Variants in CCDC102B observed in about 807,000 individuals in gnomAD.
CCDC102B encodes the protein coiled-coil domain-containing protein 102B.
CCDC102B carries 75 observed loss-of-function variants against 57.4 expected under a neutral mutation model. That is an observed-to-expected ratio of 1.31 (90% CI 1.08 to 1.58). The LOEUF is 1.58. CCDC102B is among the 40% of genes most tolerant of loss of function. The pLI is 0.00. For missense variants in CCDC102B, 636 were observed against 582.6 expected (o/e 1.09, Z -0.94); for synonymous variants, 206 against 201.9 (o/e 1.02, Z -0.17).
rs61714863 is a variant in CCDC102B, at chr18:68,810,680, G to GT, written c.-16+12526dup. ...TGAAAAATTTTCTTTTCTTTTCTTT[G>GT]TTTTTTTTTTTTTTTTTTTTTTTTT... On this transcript the variant is annotated intron_variant, in intron 1 of 7. Coordinates refer to ENST00000360242, the MANE Select transcript of CCDC102B (RefSeq NM_024781.3). Among the ~76,000 whole-genome samples, 192 of 77,052 alleles carry GT rather than the reference G, an allele frequency of 2.5e-3. 4 individuals are homozygous for GT. Among genetic ancestry groups the GT allele is most frequent in the East Asian group, 0.015 (36 of 2,402 alleles). The allele number at this position is 77,052 out of a possible 152,430, so 50.5% of individuals were successfully genotyped here.
intron 7 of CCDC102B, among the ~76,000 whole-genome samples, chr18:69,026,683 A>G (rs185008033): frequency 3.3e-5 from 5 of 152,184 alleles, no homozygotes; most frequent in African/African-American, 1.2e-4. Flanking sequence ...GCGGGAGAAG[A>G]AGGAGGCAGA....
At chr18:69,037,424 A>G (rs1453470921) in intron 7 of CCDC102B, among the ~76,000 whole-genome samples, 1 of 152,062 alleles carries the variant, frequency 6.6e-6, no homozygotes, top group Non-Finnish European at 1.5e-5. Context: ...AAGAGGTAGA[A>G]TAAAGTGTCT....
intron 6 of CCDC102B, among the ~76,000 whole-genome samples, chr18:68,960,578 A>G (rs1015150037): frequency 2.6e-5 from 4 of 152,148 alleles, no homozygotes; most frequent in Non-Finnish European, 5.9e-5. Context: ...CAGCACCAGA[A>G]CTTGCCCAGG....
At position 68,903,229 on chromosome 18, in the gene CCDC102B, A is replaced by G. The variant is rs181061417; in HGVS notation, c.1263+5801A>G. Among the ~76,000 whole-genome samples the G allele has an allele frequency of 2.6e-5, 4 of 152,302 alleles. No homozygotes were observed. The East Asian group carries it at 5.8e-4, about 22-fold the overall frequency. ...ATCTTCCCCTGGGCTTGAGAAATCAAAAAAGAACTTTAGATACCTCCCTGA... is the reference window on the plus strand; with the variant it reads ...ATCTTCCCCTGGGCTTGAGAAATCAGAAAAGAACTTTAGATACCTCCCTGA... On this transcript the variant is annotated intron_variant, in intron 6 of 7. Coordinates refer to ENST00000360242, the MANE Select transcript of CCDC102B (RefSeq NM_024781.3).
intron 5 of CCDC102B, among the ~76,000 whole-genome samples, chr18:68,882,428 C>T (rs1384413972): frequency 6.6e-6 from 1 of 152,182 alleles, no homozygotes; most frequent in Non-Finnish European, 1.5e-5. Context: ...CCCATGTTTT[C>T]CCCTTCACAT....
At chr18:68,954,166 T>C (rs2049778433) in intron 6 of CCDC102B, among the ~76,000 whole-genome samples, 1 of 152,156 alleles carries the variant, frequency 6.6e-6, no homozygotes, top group African/African-American at 2.4e-5. Flanking sequence ...GCCTATATAA[T>C]CCTAGCACTT....
chr18:68,750,037 A>G (rs2033785571), intron 2 of CCDC102B, among the ~76,000 whole-genome samples: 1 of 152,224 alleles, frequency 6.6e-6, no homozygotes, highest in African/African-American at 2.4e-5. Context: ...CTCATCTGAC[A>G]AAGGGCTAAT....
chr18:68,807,811 T>G (rs1274373034), intron 1 of CCDC102B, among the ~76,000 whole-genome samples: 1 of 152,144 alleles, frequency 6.6e-6, no homozygotes, highest in Non-Finnish European at 1.5e-5. Flanking sequence ...AATTTTTTAT[T>G]TTCTTTATTG....
chr18:68,902,543 A>C (rs564258873), intron 6 of CCDC102B, among the ~76,000 whole-genome samples: 1 of 152,306 alleles, frequency 6.6e-6, no homozygotes, highest in Admixed American at 6.5e-5. Context: ...TTGTAGTTAC[A>C]GTAAGTGACA....
rs553892017 is a variant in CCDC102B at position 68,718,658 on chromosome 18, G to A, written c.-67+2064G>A. Among the ~76,000 whole-genome samples, 4 of 152,234 alleles carry A rather than the reference G, an allele frequency of 2.6e-5. No individual in the cohort carries two copies. In the South Asian group the frequency reaches 6.2e-4, roughly 24 times the overall value. ...GCTACATACATTTATGTTTTTTAAT[G>A]GATAGATATTATAGTTTTAACAGTG... On this transcript the variant is annotated intron_variant, in intron 2 of 3. Coordinates refer to the CCDC102B transcript ENST00000578970.
intron 6 of CCDC102B, among the ~76,000 whole-genome samples, chr18:68,987,954 A>T (rs1176504428): frequency 1.3e-5 from 2 of 152,238 alleles, no homozygotes; most frequent in Admixed American, 6.5e-5. Context: ...CAGGAATGTA[A>T]ATTAGTTCAG....
intron 6 of CCDC102B, among the ~76,000 whole-genome samples, chr18:68,924,512 T>G (rs959624666): frequency 1.3e-5 from 2 of 152,098 alleles, no homozygotes; most frequent in Admixed American, 6.6e-5. Flanking sequence ...ACCTCTTTCC[T>G]TTATAAATTA....
intron 7 of CCDC102B, among the ~76,000 whole-genome samples, chr18:69,019,870 G>A (rs1487866716): frequency 7.9e-5 from 12 of 152,006 alleles, no homozygotes; most frequent in Admixed American, 7.2e-4. Flanking sequence ...CCCTTATTGT[G>A]CTTGGGCAAG....
At chr18:69,052,574 T>C (rs1164706657) in intron 7 of CCDC102B, among the ~76,000 whole-genome samples, 2 of 151,902 alleles carry the variant, frequency 1.3e-5, no homozygotes, top group Admixed American at 1.3e-4. Context: ...AGATCATCAT[T>C]AGGTAATTTT....
intron 2 of CCDC102B, among the ~76,000 whole-genome samples, chr18:68,765,700 T>G (rs566099846): frequency 6.6e-6 from 1 of 152,150 alleles, no homozygotes; most frequent in Non-Finnish European, 1.5e-5. Flanking sequence ...TGGAAAACAT[T>G]TGCATCACGG....
chr18:69,029,740 A>G (rs2052088324), intron 7 of CCDC102B, among the ~76,000 whole-genome samples: 1 of 152,212 alleles, frequency 6.6e-6, no homozygotes, highest in Non-Finnish European at 1.5e-5. Flanking sequence ...AGGGCAGGTA[A>G]AATTGTTTAA....
chr18:68,809,650 G>T (rs1235552597), intron 1 of CCDC102B, among the ~76,000 whole-genome samples: 1 of 152,086 alleles, frequency 6.6e-6, no homozygotes, highest in South Asian at 2.1e-4. Flanking sequence ...ATAATCAAAG[G>T]TAAGCTCCAT....
At chr18:68,731,219 C>T (rs2032847289) in intron 2 of CCDC102B, among the ~76,000 whole-genome samples, 1 of 152,126 alleles carries the variant, frequency 6.6e-6, no homozygotes, top group Non-Finnish European at 1.5e-5. Flanking sequence ...CTCCTGACCT[C>T]ATGATCTGCC....
chr18:68,991,906 T>C (rs1319216047), intron 6 of CCDC102B, among the ~76,000 whole-genome samples: 1 of 152,166 alleles, frequency 6.6e-6, no homozygotes, highest in Middle Eastern at 3.2e-3. Context: ...AATTTATATA[T>C]GCACATGATA....
Sources: allele counts gnomAD v4.1 joint callset (sites outside exome capture counted in the v4.1 genomes callset), GRCh38; gene constraint gnomAD v4.1.1; transcripts MANE v1.5; gene names NCBI Gene and HGNC (gene_info 2026-07-23, HGNC 2026-07-21).